The following PCDHGA3 variants were observed in gnomAD, a reference collection of about 807,000 sequenced individuals.
PCDHGA3 encodes the protein protocadherin gamma subfamily A, 3, also known as protocadherin gamma-A3.
In PCDHGA3, 40 loss-of-function variants were observed where a neutral mutation model predicts 58.5. The ratio of observed to expected loss-of-function variants is 0.68; its 90% CI spans 0.53 to 0.89. The LOEUF (loss-of-function observed/expected upper bound fraction) is 0.89. Among genes scored for constraint, PCDHGA3 ranks in the 40% least tolerant of loss-of-function variants. PCDHGA3 has a pLI of 0.00. For synonymous variants in PCDHGA3, 530 were observed against 525.7 expected, an observed-to-expected ratio of 1.01 and a Z score of -0.11; for missense variants, 1,223 against 1,195.9, an observed-to-expected ratio of 1.02 and a Z score of -0.33.
At chr5:141,358,695 A>G (rs956417797) in intron 1 of PCDHGA3, among the ~76,000 whole-genome samples, 2 of 152,206 alleles carry the variant, frequency 1.3e-5, no homozygotes, top group African/African-American at 2.4e-5. Context: ...TGACATCACT[A>G]TTGAGACTTT....
chr5:141,492,579 G>T (rs547852117), intron 1 of PCDHGA3, among the ~76,000 whole-genome samples: 2 of 152,356 alleles, frequency 1.3e-5, no homozygotes, highest in East Asian at 1.9e-4. Context: ...GAGGCGCGGG[G>T]CCAGGAGCGC....
At position 141,432,395 on chromosome 5, in the gene PCDHGA3, G is replaced by T. The variant is rs748660079; in HGVS notation, c.2425-62412G>T. On this transcript the variant is annotated intron_variant, in intron 1 of 3. Coordinates refer to ENST00000253812, the MANE Select transcript of PCDHGA3 (RefSeq NM_018916.4). This position sits in a 1 kb window ranked among gnomAD's most constrained non-coding sequence, Gnocchi z 6.0. ...CGGGCACCCGCCCCTCAGCAGCAAC[G>T]TGTCGTTGAGCCTGTTCGTGCTGGA... 5 of 1,614,242 alleles carry T rather than the reference G, an allele frequency of 3.1e-6. No individual in the cohort carries two copies. In the East Asian group the frequency reaches 8.9e-5, roughly 29 times the overall value.
At chr5:141,351,592 T>C (rs78745319) in intron 1 of PCDHGA3, 37,092 of 1,613,926 alleles carry the variant, frequency 0.023, 971 homozygotes, top group African/African-American at 0.14. Flanking sequence ...TCAACGACAA[T>C]GCACCTGTTT....
intron 1 of PCDHGA3, chr5:141,351,578 G>A (rs758216831): frequency 1.3e-4 from 213 of 1,613,878 alleles, no homozygotes; most frequent in Non-Finnish European, 1.8e-4. Context: ...GCACATCTCC[G>A]ACATCAACGA....
At position 141,421,139 on chromosome 5, in the gene PCDHGA3, A is replaced by T. The variant is rs2096548615; in HGVS notation, c.2425-73668A>T. Reference sequence around the variant, plus strand: ...TCCTTCGCTTTCTGATATATTTTGGATGTAGTCGGCCTAGGACTTCATAGA... The same window carrying T: ...TCCTTCGCTTTCTGATATATTTTGGTTGTAGTCGGCCTAGGACTTCATAGA... On this transcript the variant is annotated intron_variant, in intron 1 of 3. Transcript: ENST00000253812. 5 of 913,574 alleles carry T rather than the reference A, an allele frequency of 5.5e-6. No individual in the cohort carries two copies. The South Asian group carries it at 8.8e-5, about 16-fold the overall frequency. 56.6% of individuals were successfully genotyped at this position (913,574 alleles called of 1,614,324 possible). A position where few individuals can be genotyped will look rare whatever the true frequency, so the allele number is the denominator to read the frequency against.
chr5:141,430,996 G>T, intron 1 of PCDHGA3: 1 of 1,614,024 alleles, frequency 6.2e-7, no homozygotes, highest in Middle Eastern at 1.6e-4. Flanking sequence ...CCCTGAATCC[G>T]CGCAGCGGCA....
intron 1 of PCDHGA3, chr5:141,478,600 C>T (rs762531135): frequency 6.4e-7 from 1 of 1,565,134 alleles, no homozygotes. Context: ...ATTCCTACAT[C>T]ATATTGAGGA....
At chr5:141,420,501 A>T in intron 1 of PCDHGA3, 1 of 469,392 alleles carries the variant, frequency 2.1e-6, no homozygotes, top group East Asian at 4.1e-5. Context: ...CTCCGGTGAC[A>T]TTTTTATGAA....
chr5:141,370,168 C>G (rs890245618), intron 1 of PCDHGA3: 7 of 458,078 alleles, frequency 1.5e-5, no homozygotes, highest in Non-Finnish European at 2.7e-5. Context: ...GCAGCAGAGG[C>G]GCCGGGTGCC....
At chr5:141,455,075 G>A (rs1050636999) in intron 1 of PCDHGA3, among the ~76,000 whole-genome samples, 2 of 151,830 alleles carry the variant, frequency 1.3e-5, no homozygotes, top group African/African-American at 4.8e-5. Context: ...GCCTCCCAAA[G>A]TGCTGGGATT....
At chr5:141,451,060 C>T (rs1241509553) in intron 1 of PCDHGA3, among the ~76,000 whole-genome samples, 1 of 151,562 alleles carries the variant, frequency 6.6e-6, no homozygotes, top group African/African-American at 2.4e-5. Context: ...GAACTCCTGA[C>T]CTTGTGATCC....
Position 141,432,938 on chromosome 5 carries a change from G to C in PCDHGA3, c.2425-61869G>C. ...CTGGCACAAGTCACGCCTGCTGCAG[G>C]CTTCAGGAGGCGGCTTGACAGGAGC... On this transcript the variant is annotated intron_variant, in intron 1 of 3. Transcript: ENST00000253812. The surrounding 1 kb of genome is among the most constrained non-coding windows in gnomAD (Gnocchi z 6.0). 2 of 1,614,192 alleles carry C rather than the reference G, an allele frequency of 1.2e-6. No homozygotes were observed. Among genetic ancestry groups the C allele is most frequent in the South Asian group, 2.2e-5 (2 of 91,086 alleles).
At chr5:141,428,044 C>A in intron 1 of PCDHGA3, 1 of 1,608,790 alleles carries the variant, frequency 6.2e-7, no homozygotes, top group Non-Finnish European at 8.5e-7. Context: ...TACCTGGTGA[C>A]CAAGGTGGTG....
chr5:141,427,839 G>T, intron 1 of PCDHGA3: 1 of 1,547,310 alleles, frequency 6.5e-7, no homozygotes, highest in Non-Finnish European at 8.8e-7. Flanking sequence ...GCGTGCCTTC[G>T]ACCACGAGCA....
intron 1 of PCDHGA3, chr5:141,404,341 AAAC>A (rs769977252): frequency 6.2e-7 from 1 of 1,613,966 alleles, no homozygotes; most frequent in Non-Finnish European, 8.5e-7. Flanking sequence ...ACCTCCCGGA[AAAC>A]AACGCCAGAG....
intron 1 of PCDHGA3, among the ~76,000 whole-genome samples, chr5:141,474,234 T>C (rs1458919904): frequency 6.6e-6 from 1 of 152,204 alleles, no homozygotes; most frequent in Non-Finnish European, 1.5e-5. Flanking sequence ...TAAGTGATGC[T>C]GAATAGGGGA....
chr5:141,435,558 T>C (rs1401876733), intron 1 of PCDHGA3, among the ~76,000 whole-genome samples: 1 of 152,136 alleles, frequency 6.6e-6, no homozygotes, highest in Non-Finnish European at 1.5e-5. Flanking sequence ...TTTTGAGTGC[T>C]TTTTTTAGTA....
intron 2 of PCDHGA3, among the ~76,000 whole-genome samples, chr5:141,497,483 C>T (rs1039341023): frequency 6.6e-6 from 1 of 150,378 alleles, no homozygotes; most frequent in Non-Finnish European, 1.5e-5. Context: ...AGGTGCGGAA[C>T]CTCTCTCTCT....
At chr5:141,383,538 A>G in intron 1 of PCDHGA3, 1 of 1,612,704 alleles carries the variant, frequency 6.2e-7, no homozygotes, top group African/African-American at 1.3e-5. Context: ...TGGTCCTCAC[A>G]GCCTCTGATG....
Sources: gnomAD v4.1 joint callset for allele counts (sites outside exome capture counted in the v4.1 genomes callset) on GRCh38, gnomAD v4.1.1 for gene constraint, Gnocchi (gnomAD v3.1) non-coding constraint, MANE v1.5 for transcripts, NCBI Gene and HGNC (gene_info 2026-07-23, HGNC 2026-07-21) for gene names.